TRIM33: variants seen among roughly 807,000 people sequenced by gnomAD.
TRIM33 encodes the protein E3 ubiquitin-protein ligase TRIM33.
Under a neutral mutation model 125.4 loss-of-function variants are expected in TRIM33, and 20 were observed. The observed-to-expected ratio is 0.16, with a 90% CI of 0.11 to 0.23. TRIM33 has a LOEUF of 0.23. Among genes scored for constraint, TRIM33 ranks in the 10% least tolerant of loss-of-function variants. The probability of loss-of-function intolerance (pLI) is 1.00; values close to 1 mark genes in which losing one functional copy is unlikely to be tolerated. For missense variants in TRIM33, 920 were observed against 1,411.4 expected, an observed-to-expected ratio of 0.65 and a Z score of 5.58; for synonymous variants, 564 against 513.9, an observed-to-expected ratio of 1.10 and a Z score of -1.32.
intron 4 of TRIM33, among the ~76,000 whole-genome samples, chr1:114,449,472 T>C (rs1208281830): frequency 2.0e-5 from 3 of 151,912 alleles, no homozygotes; most frequent in African/African-American, 7.3e-5. Flanking sequence ...AAAATACAGA[T>C]AAAAAATGTA....
At chr1:114,469,344 T>C (rs1243168601) in intron 1 of TRIM33, 1 of 157,972 alleles carries the variant, frequency 6.3e-6, no homozygotes, top group African/African-American at 2.4e-5. Context: ...AGGTTTGTCA[T>C]CAGAATGGAT....
chr1:114,431,396 C>A (rs2101187145), intron 5 of TRIM33, among the ~76,000 whole-genome samples: 1 of 152,278 alleles, frequency 6.6e-6, no homozygotes, highest in East Asian at 1.9e-4. Flanking sequence ...TGATACACTC[C>A]CTTCAAAATT....
In TRIM33 at chr1:114,511,157, G is replaced by T; in HGVS notation, c.-81C>A. The T allele has an allele frequency of 9.5e-7, 1 of 1,050,012 alleles. No homozygotes were observed. Among genetic ancestry groups the T allele is most frequent in the Non-Finnish European group, 1.1e-6 (1 of 871,518 alleles). The allele number at this position is 1,050,012 out of a possible 1,614,324, so 65.0% of individuals were successfully genotyped here. ...GCCGCCGCCGCCCCCAGCCCCAGCC[G>T]CAGCCGCAGCAAGAGCGGCAGCCGA... On this transcript the variant is annotated 5_prime_UTR_variant, in exon 1 of 20. Transcript: ENST00000358465.
rs1178679585 is a variant in TRIM33, at chr1:114,439,280, T to C, written c.924-5547A>G. ...CGAGGTCATGAGTTTGAGACCAGCC[T>C]GACCAACATGGTGAAACCCCGTCTC... On this transcript the variant is annotated intron_variant, in intron 4 of 19. Coordinates refer to ENST00000358465, the MANE Select transcript of TRIM33 (RefSeq NM_015906.4). Among the ~76,000 whole-genome samples the C allele has an allele frequency of 2.7e-5, 4 of 148,504 alleles. No individual in the cohort carries two copies. In the East Asian group the frequency reaches 7.7e-4, roughly 29 times the overall value.
Position 114,407,055 on chromosome 1 carries a change from G to A in TRIM33, c.2304C>T (p.Phe768=), listed in dbSNP as rs1046216268. The part of the protein sequence containing the change: ...GRTAEKTSLS[F]KSDQVKVKQE... ...GCTTGACCTTCACCTGATCAGATTT[G>A]AAACTAAGACTTGTCTTCTCAGCAG... The change falls in exon 14 of 20, where the codon TTC becomes TTT. Residue 768 remains phenylalanine, a synonymous_variant. Coordinates refer to ENST00000358465, the MANE Select transcript of TRIM33 (RefSeq NM_015906.4). The A allele has an allele frequency of 6.2e-7, 1 of 1,613,860 alleles. No individual in the cohort carries two copies. Among genetic ancestry groups the A allele is most frequent in the East Asian group, 2.2e-5 (1 of 44,860 alleles).
intron 4 of TRIM33, among the ~76,000 whole-genome samples, chr1:114,443,341 G>A (rs563669077): frequency 2.6e-5 from 4 of 152,252 alleles, no homozygotes; most frequent in African/African-American, 9.6e-5. Flanking sequence ...CCGAGACCAT[G>A]CCATTGCACT....
intron 1 of TRIM33, among the ~76,000 whole-genome samples, chr1:114,467,594 C>G (rs1305512547): frequency 6.6e-6 from 1 of 152,120 alleles, no homozygotes; most frequent in East Asian, 1.9e-4. Flanking sequence ...CAAACATTTT[C>G]AACTGCAAAC....
chr1:114,397,927 C>G lies in TRIM33; in HGVS notation c.3171+13G>C. 6.2e-7 allele frequency: 1 copy of G among 1,613,694 alleles called. No homozygotes were observed. The highest frequency in any genetic ancestry group is 8.5e-7 in the Non-Finnish European group (1 of 1,179,888). On this transcript the variant is annotated intron_variant, in intron 19 of 19. Coordinates refer to ENST00000358465, the MANE Select transcript of TRIM33 (RefSeq NM_015906.4). ...TATTCCTTCACCAAGTTTGCATGGT[C>G]TGAAAAGCTTACCTTCAAATTAATC...
chr1:114,461,319 A>ATATG lies in TRIM33; in HGVS notation c.923+1784_923+1785insCATA, dbSNP rs1439165217. 4.6e-4 allele frequency among the ~76,000 whole-genome samples: 52 copies of ATATG among 114,162 alleles called. No homozygotes were observed. The East Asian group carries it at 9.8e-3, about 21-fold the overall frequency. 74.9% of individuals were successfully genotyped at this position (114,162 alleles called of 152,430 possible). On this transcript the variant is annotated intron_variant, in intron 4 of 19. Transcript: ENST00000358465. ...ATATATTATATTTTATATTTTATAT[A>ATATG]TATATATTTTAAGTACCAGAAGGTG...
chr1:114,451,402 T>G, intron 4 of TRIM33, among the ~76,000 whole-genome samples: 1 of 145,116 alleles, frequency 6.9e-6, no homozygotes, highest in Admixed American at 6.8e-5. Flanking sequence ...AGGACTGAAA[T>G]CCCCATTGAT....
intron 18 of TRIM33, among the ~76,000 whole-genome samples, chr1:114,398,917 A>AAAC (rs1296488381): frequency 1.7e-4 from 22 of 129,066 alleles, no homozygotes; most frequent in Non-Finnish European, 3.0e-4. Flanking sequence ...AAAAAAAAAC[A>AAAC]AAACAAAACA....
intron 1 of TRIM33, among the ~76,000 whole-genome samples, chr1:114,477,596 GAC>G (rs1651054344): frequency 6.6e-6 from 1 of 152,120 alleles, no homozygotes; most frequent in African/African-American, 2.4e-5. Flanking sequence ...TATAAAATGT[GAC>G]ACACACTAAG....
At chr1:114,436,713 C>T (rs572480834) in intron 4 of TRIM33, among the ~76,000 whole-genome samples, 1 of 152,196 alleles carries the variant, frequency 6.6e-6, no homozygotes, top group South Asian at 2.1e-4. Context: ...GATCCGCCCA[C>T]CTCGACCTCC....
chr1:114,468,323 G>C, intron 1 of TRIM33: 1 of 279,402 alleles, frequency 3.6e-6, no homozygotes, highest in South Asian at 3.4e-5. Context: ...GCCATGTCTG[G>C]GGATGAGATG....
At chr1:114,506,077 C>G (rs187275405) in intron 1 of TRIM33, among the ~76,000 whole-genome samples, 3 of 152,178 alleles carry the variant, frequency 2.0e-5, no homozygotes, top group Admixed American at 1.3e-4. Context: ...CCAAGGGTTA[C>G]GTAGCTAACT....
At chr1:114,492,314 T>A (rs1470005318) in intron 1 of TRIM33, among the ~76,000 whole-genome samples, 1 of 152,170 alleles carries the variant, frequency 6.6e-6, no homozygotes, top group Non-Finnish European at 1.5e-5. Context: ...AGGAAAAACA[T>A]TTTTAACATA....
At position 114,510,930 on chromosome 1, in the gene TRIM33, TTCCTCC is replaced by T. The variant is rs746877490; in HGVS notation, c.141_146del (p.Glu48_Glu49del). ...CGCCCTCAGCGCCGGCCCTGCCGCC[TTCCTCC>T]TCCTCCTCCTCCACCAGCACCGCGG... is the stretch of plus-strand genomic sequence containing the variant. On this transcript the variant is annotated inframe_deletion, in exon 1 of 20. Transcript: ENST00000358465. 2 of 1,414,720 alleles carry T rather than the reference TTCCTCC, an allele frequency of 1.4e-6. No individual in the cohort carries two copies. Among genetic ancestry groups the T allele is most frequent in the Non-Finnish European group, 9.2e-7 (1 of 1,088,800 alleles). The allele number at this position is 1,414,720 out of a possible 1,614,324, so 87.6% of individuals were successfully genotyped here.
At chr1:114,418,552 A>C (rs1653077816) in intron 11 of TRIM33, among the ~76,000 whole-genome samples, 1 of 152,208 alleles carries the variant, frequency 6.6e-6, no homozygotes, top group Non-Finnish European at 1.5e-5. Context: ...AAAGTTAAAA[A>C]GAGACCACCA....
rs1652505385 is a variant in TRIM33, at chr1:114,410,296, A to G, written c.2082T>C (p.Ser694=). ...PPIQLEDAGS[S]SLDNLLSRYI... ...ATCTACTTAGTAGATTATCTAAACTACTTGAGCCAGCATCTTCCAACTGAA... is the reference window on the plus strand; with the variant it reads ...ATCTACTTAGTAGATTATCTAAACTGCTTGAGCCAGCATCTTCCAACTGAA... The change falls in exon 12 of 20, where the codon AGT becomes AGC. Residue 694 remains serine, a synonymous_variant. Coordinates refer to ENST00000358465, the MANE Select transcript of TRIM33 (RefSeq NM_015906.4). The G allele has an allele frequency of 1.2e-6, 2 of 1,612,948 alleles. No individual in the cohort carries two copies. The highest frequency in any genetic ancestry group is 1.7e-6 in the Non-Finnish European group (2 of 1,179,682).
Sources: gnomAD v4.1 joint callset for allele counts (sites outside exome capture counted in the v4.1 genomes callset) on GRCh38, gnomAD v4.1.1 for gene constraint, MANE v1.5 for transcripts, NCBI Gene and HGNC (gene_info 2026-07-23, HGNC 2026-07-21) for gene names.